ARHGAP12: variants seen among roughly 807,000 people sequenced by gnomAD.
ARHGAP12 encodes rho GTPase-activating protein 12.
A neutral mutation model predicts 108.6 loss-of-function variants in ARHGAP12; 64 were observed. That is an observed-to-expected ratio of 0.59 (90% CI 0.48 to 0.73). ARHGAP12 has a LOEUF of 0.73. Ranked by LOEUF, ARHGAP12 falls within the 30% of genes least tolerant of loss-of-function variation. The pLI is 0.00. For synonymous variants in ARHGAP12, 312 were observed against 337.2 expected (o/e 0.93, Z 0.82); for missense variants, 940 against 1,005.9 (o/e 0.93, Z 0.89).
intron 3 of ARHGAP12, among the ~76,000 whole-genome samples, chr10:31,863,295 TTC>T (rs1432506393): frequency 1.8e-4 from 28 of 152,178 alleles, no homozygotes; most frequent in African/African-American, 5.3e-4. Flanking sequence ...TGAAAATAAA[TTC>T]TGTTAATATA....
intron 3 of ARHGAP12, among the ~76,000 whole-genome samples, chr10:31,878,166 A>C (rs982248948): frequency 1.3e-5 from 2 of 152,016 alleles, no homozygotes; most frequent in Non-Finnish European, 2.9e-5. Flanking sequence ...ACAGATACAA[A>C]AGGTAAAAGT....
intron 3 of ARHGAP12, among the ~76,000 whole-genome samples, chr10:31,870,889 T>C (rs1040231454): frequency 6.6e-6 from 1 of 152,200 alleles, no homozygotes; most frequent in Non-Finnish European, 1.5e-5. Flanking sequence ...GATATTTTCA[T>C]GGTTTACTTA....
At chr10:31,882,250 G>C (rs2132370357) in intron 3 of ARHGAP12, among the ~76,000 whole-genome samples, 1 of 152,254 alleles carries the variant, frequency 6.6e-6, no homozygotes, top group Non-Finnish European at 1.5e-5. Context: ...TTAGTAGCCA[G>C]AGCCTACCTA....
intron 1 of ARHGAP12, among the ~76,000 whole-genome samples, chr10:31,922,728 G>A (rs575774183): frequency 1.0e-3 from 155 of 152,080 alleles, no homozygotes; most frequent in Non-Finnish European, 1.9e-3. Flanking sequence ...TACCAAAAAC[G>A]TAAAGAAGTT....
chr10:31,903,581 C>T (rs891012352), intron 3 of ARHGAP12, among the ~76,000 whole-genome samples: 2 of 152,122 alleles, frequency 1.3e-5, no homozygotes, highest in African/African-American at 4.8e-5. Context: ...AACCATGATT[C>T]CACATAAGGA....
chr10:31,916,576 A>T (rs2808072), intron 1 of ARHGAP12, among the ~76,000 whole-genome samples: 66,302 of 151,986 alleles, frequency 0.44, 15,032 homozygotes, highest in Non-Finnish European at 0.5. Flanking sequence ...TAAGAGGTAT[A>T]TCAAAAAAAG....
At chr10:31,861,789 G>A (rs1837127956) in intron 3 of ARHGAP12, 131 bp from the exon 4 acceptor site, 2 of 826,822 alleles carry the variant, frequency 2.4e-6, no homozygotes, top group Non-Finnish European at 3.5e-6. Context: ...TATATTCTGA[G>A]GAAATAATAA....
In ARHGAP12 at chr10:31,807,632, ATTC is replaced by A; in HGVS notation, c.*23_*25del. The A allele has an allele frequency of 6.4e-7, 1 of 1,573,432 alleles. No homozygotes were observed. Among genetic ancestry groups the A allele is most frequent in the South Asian group, 1.2e-5 (1 of 83,458 alleles). On this transcript the variant is annotated 3_prime_UTR_variant, in exon 20 of 20. Transcript: ENST00000344936. The stretch of plus-strand genomic sequence containing the variant: ...TGAAATCTGATGGAATCCAGCTTCT[ATTC>A]CACAGGTTGTCTTCAGTAAGAATCA...
chr10:31,907,664 C>G (rs1057202844), intron 3 of ARHGAP12, among the ~76,000 whole-genome samples: 1 of 148,556 alleles, frequency 6.7e-6, no homozygotes, highest in African/African-American at 2.5e-5. Flanking sequence ...ACCAGGAACA[C>G]AGAAAAATTT....
intron 3 of ARHGAP12, among the ~76,000 whole-genome samples, chr10:31,883,304 A>T (rs1433209586): frequency 6.6e-6 from 1 of 152,210 alleles, no homozygotes; most frequent in Non-Finnish European, 1.5e-5. Context: ...TCAAAAAAAA[A>T]GAAATACCTA....
intron 9 of ARHGAP12, among the ~76,000 whole-genome samples, chr10:31,836,358 T>G (rs1489732196): frequency 6.6e-6 from 1 of 152,152 alleles, no homozygotes; most frequent in Non-Finnish European, 1.5e-5. Flanking sequence ...AAAACCTATT[T>G]AATCCATATT....
chr10:31,867,867 C>A (rs1364778067), intron 3 of ARHGAP12, among the ~76,000 whole-genome samples: 5 of 151,736 alleles, frequency 3.3e-5, no homozygotes, highest in Admixed American at 3.3e-4. Flanking sequence ...AATACTAATA[C>A]TAGCAGTGAA....
chr10:31,864,833 C>T (rs1002032963), intron 3 of ARHGAP12, among the ~76,000 whole-genome samples: 2 of 151,790 alleles, frequency 1.3e-5, no homozygotes, highest in African/African-American at 2.4e-5. Context: ...ATCTCCTTGC[C>T]TTCCAGAACC....
rs369721681 is a variant in ARHGAP12 at position 31,844,697 on chromosome 10, C to CTT, written c.1171-1113_1171-1112dup. ...TACAAGTACATGCCAGCACACTTGG[C>CTT]TTTTTTTTTTTTTTTTTGTAGAGCC... On this transcript the variant is annotated intron_variant, in intron 6 of 19. Transcript: ENST00000344936. Among the ~76,000 whole-genome samples, 191 of 128,642 alleles carry CTT rather than the reference C, an allele frequency of 1.5e-3. 1 individual carries two copies. The highest frequency in any genetic ancestry group is 5.1e-3 in the African/African-American group (176 of 34,446). The allele number at this position is 128,642 out of a possible 152,430, so 84.4% of individuals were successfully genotyped here.
At position 31,839,697 on chromosome 10, in the gene ARHGAP12, G is replaced by A. The variant is rs1836181498; in HGVS notation, c.1311C>T (p.Ala437=). ...CATTTTCAGGAAAGCAGGGTTTTGA[G>A]GCAGTTGGAGATTCCTACAAGAAAT... is the stretch of plus-strand genomic sequence containing the variant. ...LDTNDKESPT[A]SKPCFPENES... The change falls in exon 8 of 20, where the codon GCC becomes GCT. Residue 437 remains alanine (A), a synonymous_variant. Coordinates refer to ENST00000344936, the MANE Select transcript of ARHGAP12 (RefSeq NM_018287.7). The A allele has an allele frequency of 1.2e-6, 2 of 1,606,028 alleles. No homozygotes were observed. Among genetic ancestry groups the A allele is most frequent in the Non-Finnish European group, 1.7e-6 (2 of 1,174,800 alleles).
intron 1 of ARHGAP12, among the ~76,000 whole-genome samples, chr10:31,927,131 G>A (rs1028077616): frequency 2.0e-5 from 3 of 152,158 alleles, no homozygotes; most frequent in Non-Finnish European, 4.4e-5. Context: ...GCACATATGT[G>A]CGCAGACGGT....
chr10:31,854,720 T>A (rs1836821929), intron 4 of ARHGAP12, among the ~76,000 whole-genome samples: 1 of 151,916 alleles, frequency 6.6e-6, no homozygotes, highest in South Asian at 2.1e-4. Context: ...TTCTCCTAAC[T>A]CATTCAGTCA....
intron 3 of ARHGAP12, among the ~76,000 whole-genome samples, chr10:31,904,689 C>A (rs893962067): frequency 6.6e-6 from 1 of 152,128 alleles, no homozygotes; most frequent in African/African-American, 2.4e-5. Context: ...TGCAATGGTG[C>A]AATCTCGGGT....
chr10:31,807,823 T>C lies in ARHGAP12; in HGVS notation c.2376A>G (p.Glu792=). Residue 792 remains glutamate (E), a synonymous_variant, in exon 20 of 20, where the codon GAA becomes GAG. Transcript: ENST00000344936. The part of the protein sequence containing the change: ...ILFRHLRRVI[E]NGEKNRMTYQ... ...AGGTCATTCGATTTTTCTCTCCATTTTCTATAACTCTGAAGGGAAAAAAAG... is the reference window on the plus strand; with the variant it reads ...AGGTCATTCGATTTTTCTCTCCATTCTCTATAACTCTGAAGGGAAAAAAAG... The C allele has an allele frequency of 6.5e-7, 1 of 1,532,776 alleles. No homozygotes were observed. 94.9% of individuals were successfully genotyped at this position (1,532,776 alleles called of 1,614,324 possible). A position where few individuals can be genotyped will look rare whatever the true frequency, so the allele number is the denominator to read the frequency against.
Sources: allele counts gnomAD v4.1 joint callset (sites outside exome capture counted in the v4.1 genomes callset), GRCh38; gene constraint gnomAD v4.1.1; transcripts MANE v1.5; gene names NCBI Gene and HGNC (gene_info 2026-07-23, HGNC 2026-07-21).